Variants in XYLT1 observed in about 807,000 individuals in gnomAD.
XYLT1 encodes beta-D-xylosyltransferase 1.
A neutral mutation model predicts 91.3 loss-of-function variants in XYLT1; 36 were observed. The observed-to-expected ratio is 0.39, with a 90% CI of 0.30 to 0.52. XYLT1 has a LOEUF of 0.52. Ranked by LOEUF, XYLT1 falls within the 20% of genes least tolerant of loss-of-function variation. XYLT1 has a pLI of 0.68. For synonymous variants in XYLT1, 588 were observed against 532.0 expected, an observed-to-expected ratio of 1.11 and a Z score of -1.45; for missense variants, 1,242 against 1,284.5, an observed-to-expected ratio of 0.97 and a Z score of 0.51.
chr16:17,315,079 T>C (rs1011845823), intron 2 of XYLT1, among the ~76,000 whole-genome samples: 2 of 152,214 alleles, frequency 1.3e-5, no homozygotes, highest in Non-Finnish European at 2.9e-5. Flanking sequence ...CTGGGAGCTA[T>C]GCTGGGGATG....
chr16:17,203,775 C>G (rs2141592452), intron 3 of XYLT1, among the ~76,000 whole-genome samples: 1 of 152,344 alleles, frequency 6.6e-6, no homozygotes, highest in South Asian at 2.1e-4. Context: ...TCCAACTATG[C>G]ATCCAGCAAA....
intron 3 of XYLT1, among the ~76,000 whole-genome samples, chr16:17,236,793 T>A (rs1464566270): frequency 6.6e-6 from 1 of 152,204 alleles, no homozygotes; most frequent in Non-Finnish European, 1.5e-5. Context: ...CTAGTGTGCA[T>A]GTCTATCTGT....
At chr16:17,440,455 G>GCATTCAATGT (rs1273160281) in intron 1 of XYLT1, among the ~76,000 whole-genome samples, 12 of 152,258 alleles carry the variant, frequency 7.9e-5, no homozygotes, top group Admixed American at 5.2e-4. Flanking sequence ...CAGCACAACT[G>GCATTCAATGT]CATTCAATGT....
chr16:17,157,905 C>T (rs752480486), intron 6 of XYLT1, among the ~76,000 whole-genome samples: 4 of 152,200 alleles, frequency 2.6e-5, no homozygotes, highest in East Asian at 1.9e-4. Context: ...TGTGCCACCA[C>T]ACCTGGCTAA....
At chr16:17,424,219 T>C (rs953604910) in intron 1 of XYLT1, among the ~76,000 whole-genome samples, 1 of 152,240 alleles carries the variant, frequency 6.6e-6, no homozygotes, top group African/African-American at 2.4e-5. Flanking sequence ...ACTTCTTAGC[T>C]GTGTGATGTT....
At chr16:17,298,117 G>T (rs1365166539) in intron 2 of XYLT1, among the ~76,000 whole-genome samples, 2 of 152,124 alleles carry the variant, frequency 1.3e-5, no homozygotes, top group African/African-American at 4.8e-5. Context: ...ATCCTGTAAG[G>T]TCTCACTTGC....
intron 1 of XYLT1, among the ~76,000 whole-genome samples, chr16:17,385,474 C>CAT: frequency 6.6e-6 from 1 of 151,966 alleles, no homozygotes; most frequent in Non-Finnish European, 1.5e-5. Context: ...TGGCACCTCA[C>CAT]ATAGCCCTTG....
rs1256334595 is a variant in XYLT1 at position 17,400,604 on chromosome 16, AGAGG to A, written c.364-42558_364-42555del. 4.1e-5 allele frequency among the ~76,000 whole-genome samples: 5 copies of A among 121,404 alleles called. No individual in the cohort carries two copies. In the East Asian group the frequency reaches 8.2e-4, roughly 20 times the overall value. 79.6% of individuals were successfully genotyped at this position (121,404 alleles called of 152,430 possible). ...GACTCCATCTCAAAAAAAAAGAAAG[AGAGG>A]GAGGGAGGGAGGGAGGAAGGGAGGA... On this transcript the variant is annotated intron_variant, in intron 1 of 11. Transcript: ENST00000261381.
At chr16:17,387,213 T>C (rs1036546793) in intron 1 of XYLT1, among the ~76,000 whole-genome samples, 4 of 152,122 alleles carry the variant, frequency 2.6e-5, no homozygotes, top group African/African-American at 9.7e-5. Context: ...TATCTGTACC[T>C]CCCTATGCAC....
At chr16:17,262,300 C>T (rs988149349) in intron 2 of XYLT1, among the ~76,000 whole-genome samples, 1 of 152,180 alleles carries the variant, frequency 6.6e-6, no homozygotes, top group Non-Finnish European at 1.5e-5. Context: ...ACTGTTCGCC[C>T]ACCTTACAGA....
At chr16:17,283,008 A>G (rs368597799) in intron 2 of XYLT1, among the ~76,000 whole-genome samples, 13 of 152,002 alleles carry the variant, frequency 8.6e-5, no homozygotes, top group Admixed American at 6.6e-4. Flanking sequence ...AGAGCATAAA[A>G]TCCAGGGCTC....
At chr16:17,432,592 G>A (rs2036405205) in intron 1 of XYLT1, among the ~76,000 whole-genome samples, 1 of 152,190 alleles carries the variant, frequency 6.6e-6, no homozygotes, top group Non-Finnish European at 1.5e-5. Flanking sequence ...AGATTATGGT[G>A]TTGGTTGCAC....
intron 7 of XYLT1, 107 bp downstream of exon 7, chr16:17,141,046 A>G (rs1373051842): frequency 9.3e-7 from 1 of 1,079,114 alleles, no homozygotes; most frequent in Non-Finnish European, 1.4e-6. Context: ...TGTAGAGGAC[A>G]ATGTAGGTGG....
rs557044694 is a variant in XYLT1 at position 17,289,112 on chromosome 16, A to G, written c.403-29614T>C. Reference sequence around the variant, plus strand: ...CATTTTCTGTAAAGGACTGGCTAATAAATATTTTAGGCCTTGTAAGCCATA... The same window carrying G: ...CATTTTCTGTAAAGGACTGGCTAATGAATATTTTAGGCCTTGTAAGCCATA... On this transcript the variant is annotated intron_variant, in intron 2 of 11. Transcript: ENST00000261381. Among the ~76,000 whole-genome samples, 15 of 152,314 alleles carry G rather than the reference A, an allele frequency of 9.8e-5. No individual in the cohort carries two copies. In the South Asian group the frequency reaches 3.1e-3, roughly 32 times the overall value.
At chr16:17,440,433 C>G (rs376422565) in intron 1 of XYLT1, among the ~76,000 whole-genome samples, 1 of 152,192 alleles carries the variant, frequency 6.6e-6, no homozygotes, top group African/African-American at 2.4e-5. Flanking sequence ...CACATACACA[C>G]ATAATTACAG....
At chr16:17,338,536 T>C in intron 2 of XYLT1, 1 of 456,098 alleles carries the variant, frequency 2.2e-6, no homozygotes, top group South Asian at 1.5e-5. Flanking sequence ...TGTGATTTTC[T>C]GACAAGGCTC....
intron 3 of XYLT1, among the ~76,000 whole-genome samples, chr16:17,225,408 A>G (rs921826068): frequency 4.6e-5 from 7 of 152,174 alleles, no homozygotes; most frequent in Non-Finnish European, 1.0e-4. Flanking sequence ...AGCAAAGCAT[A>G]AAATCTAACA....
chr16:17,424,224 G>C (rs1240486664), intron 1 of XYLT1, among the ~76,000 whole-genome samples: 1 of 152,226 alleles, frequency 6.6e-6, no homozygotes, highest in Admixed American at 6.5e-5. Context: ...TTAGCTGTGT[G>C]ATGTTAAGTG....
At chr16:17,127,911 A>C in intron 9 of XYLT1, 50 bp from the exon 10 acceptor site, 9 of 1,554,978 alleles carry the variant, frequency 5.8e-6, no homozygotes, top group Non-Finnish European at 7.9e-6. Context: ...GTAGGATCAC[A>C]GTGAGGCTCC....
Sources: gnomAD v4.1 joint callset for allele counts (sites outside exome capture counted in the v4.1 genomes callset) on GRCh38, gnomAD v4.1.1 for gene constraint, MANE v1.5 for transcripts, NCBI Gene and HGNC (gene_info 2026-07-23, HGNC 2026-07-21) for gene names.